The following NBPF26 variants were observed in gnomAD, a reference collection of about 807,000 sequenced individuals.
The protein encoded by NBPF26 is NBPF member 26, also known as NBPF family member NBPF26.
NBPF26 carries 79 observed loss-of-function variants against 119.6 expected under a neutral mutation model. The ratio of observed to expected loss-of-function variants is 0.66; its 90% CI spans 0.55 to 0.80. The LOEUF (loss-of-function observed/expected upper bound fraction) is 0.80. Ranked by LOEUF, NBPF26 falls within the 30% of genes least tolerant of loss-of-function variation. The probability of loss-of-function intolerance (pLI) is 0.00; values close to 1 mark genes in which losing one functional copy is unlikely to be tolerated. For missense variants in NBPF26, 800 were observed against 1,198.2 expected (o/e 0.67, Z 4.91); for synonymous variants, 299 against 457.7 (o/e 0.65, Z 4.43).
At position 120,805,758 on chromosome 1, in the gene NBPF26, G is replaced by C. The variant is rs1553269810; in HGVS notation, c.954G>C (p.Lys318Asn). 9.0e-5 allele frequency: 126 copies of C among 1,405,116 alleles called. 20 individuals are homozygous for C. Among genetic ancestry groups the C allele is most frequent in the East Asian group, 2.0e-4 (9 of 44,144 alleles). The allele number at this position is 1,405,116 out of a possible 1,614,324, so 87.0% of individuals were successfully genotyped here. A position where few individuals can be genotyped will look rare whatever the true frequency, so the allele number is the denominator to read the frequency against. ...CCGGCTTCCTGGCCAACCGACAGAAGAAATACAGTAAGATCTATAGGCTCA... is the reference window on the plus strand; with the variant it reads ...CCGGCTTCCTGGCCAACCGACAGAACAAATACAGTAAGATCTATAGGCTCA... Residue 318 changes from lysine (K) to asparagine (N), a missense_variant, in exon 5 of 30, where the codon AAG becomes AAC. Around this residue, in one of 13 missense-constraint regions of NBPF26, gnomAD observed 155 missense variants for 143.7 expected, o/e 1.08. Coordinates refer to ENST00000620612, the Ensembl canonical transcript of NBPF26.
At chr1:120,823,204 C>A (rs1191673081) in intron 16 of NBPF26, 105 bp from the exon 17 acceptor site, 10,713 of 667,276 alleles carry the variant, frequency 0.016, 681 homozygotes, top group African/African-American at 0.12. Context: ...CCTGTTCTCA[C>A]ACTGACAAGA....
chr1:120,813,198 CTG>C (rs1201346105), intron 10 of NBPF26, among the ~76,000 whole-genome samples: 1 of 122,038 alleles, frequency 8.2e-6, no homozygotes, highest in Non-Finnish European at 1.6e-5. Context: ...ATACCTACCT[CTG>C]TAAATTGCTG....
rs1652126746 is a variant in NBPF26 at position 120,821,937 on chromosome 1, C to A, written c.2424-167C>A. On this transcript the variant is annotated intron_variant, in intron 15 of 29. Coordinates refer to ENST00000620612, the Ensembl canonical transcript of NBPF26. ...TTTTGCTCTGTCCCCAGAGCAGTCACCCTCCACCCTGTATTTAGAAGGATA... is the reference window on the plus strand; with the variant it reads ...TTTTGCTCTGTCCCCAGAGCAGTCAACCTCCACCCTGTATTTAGAAGGATA... 2.4e-4 allele frequency among the ~76,000 whole-genome samples: 29 copies of A among 122,892 alleles called. 4 individuals are homozygous for A. The South Asian group carries it at 7.0e-3, about 30-fold the overall frequency. The allele number at this position is 122,892 out of a possible 152,430, so 80.6% of individuals were successfully genotyped here. A position where few individuals can be genotyped will look rare whatever the true frequency, so the allele number is the denominator to read the frequency against.
chr1:120,806,513 A>C (rs1651688129), intron 5 of NBPF26, among the ~76,000 whole-genome samples: 1 of 123,328 alleles, frequency 8.1e-6, no homozygotes, highest in Admixed American at 7.9e-5. Context: ...GAATCCTTTG[A>C]ACCCAGCAGG....
chr1:120,810,173 G>A (rs1220641310), intron 8 of NBPF26, among the ~76,000 whole-genome samples, 174 bp from the exon 9 acceptor site: 1 of 120,406 alleles, frequency 8.3e-6, no homozygotes, highest in African/African-American at 4.7e-5. Context: ...TCCCATGGCA[G>A]CCATGCTCTG....
In NBPF26 at chr1:120,804,235, C is replaced by A. The variant is rs1458235117; in HGVS notation, c.752-1321C>A. On this transcript the variant is annotated intron_variant, in intron 4 of 29. Coordinates refer to ENST00000620612, the Ensembl canonical transcript of NBPF26. ...TCTCTCAAGTTCCAGGCTCACAAAA[C>A]GTAGGTGGGGATGAAAGCTGAGAAA... Among the ~76,000 whole-genome samples, 79 of 79,122 alleles carry A rather than the reference C, an allele frequency of 1.0e-3. 9 individuals carry two copies. Among genetic ancestry groups the A allele is most frequent in the Non-Finnish European group, 1.5e-3 (70 of 45,618 alleles). The allele number at this position is 79,122 out of a possible 152,430, so 51.9% of individuals were successfully genotyped here. A position where few individuals can be genotyped will look rare whatever the true frequency, so the allele number is the denominator to read the frequency against.
intron 2 of NBPF26, among the ~76,000 whole-genome samples, chr1:120,776,103 G>C (rs1651304790): frequency 8.6e-6 from 1 of 116,388 alleles, no homozygotes; most frequent in East Asian, 2.1e-4. Flanking sequence ...TTGACCTTTT[G>C]CTTCTGCACT....
chr1:120,810,641 T>C (rs1239894198), intron 9 of NBPF26, 83 bp downstream of exon 9: 4 of 1,317,302 alleles, frequency 3.0e-6, no homozygotes, highest in Middle Eastern at 2.2e-4. Flanking sequence ...TATACACATA[T>C]TGTTATTGTT....
downstream of NBPF26, among the ~76,000 whole-genome samples, chr1:120,842,144 G>A (rs1467708384): frequency 1.8e-5 from 2 of 109,398 alleles, 1 homozygote; most frequent in African/African-American, 1.1e-4. Context: ...TACATTCAGT[G>A]TTATAATATT....
rs1202771344 is a variant in NBPF26 at position 120,775,698 on chromosome 1, A to AT, written c.156-9262dup. Among the ~76,000 whole-genome samples, 186 of 53,946 alleles carry AT rather than the reference A, an allele frequency of 3.4e-3. 3 individuals are homozygous for AT. Among genetic ancestry groups the AT allele is most frequent in the African/African-American group, 6.6e-3 (32 of 4,816 alleles). The allele number at this position is 53,946 out of a possible 152,430, so 35.4% of individuals were successfully genotyped here. A position where few individuals can be genotyped will look rare whatever the true frequency, so the allele number is the denominator to read the frequency against. ...CATGCTATTGAGACCACTTTGTAGG[A>AT]TTTTTTTTTTTTTTAGTCAGGGCTC... is the stretch of plus-strand genomic sequence containing the variant. On this transcript the variant is annotated intron_variant, in intron 2 of 29. Transcript: ENST00000620612.
intron 10 of NBPF26, among the ~76,000 whole-genome samples, chr1:120,813,054 C>T (rs1651911828): frequency 8.4e-6 from 1 of 119,084 alleles, no homozygotes; most frequent in Admixed American, 8.0e-5. Flanking sequence ...GAAGAAAGAT[C>T]GCACCCGAGA....
rs1247308407 is a variant in NBPF26, at chr1:120,728,030, G to C, written c.73+3780G>C. Among the ~76,000 whole-genome samples the C allele has an allele frequency of 2.4e-4, 28 of 118,818 alleles. 8 individuals are homozygous for C. Among genetic ancestry groups the C allele is most frequent in the Admixed American group, 2.1e-3 (26 of 12,578 alleles). The allele number at this position is 118,818 out of a possible 152,430, so 77.9% of individuals were successfully genotyped here. On this transcript the variant is annotated intron_variant, in intron 1 of 29. Transcript: ENST00000620612. The stretch of plus-strand genomic sequence containing the variant: ...TTGTTCATGGTCACAGAGCCAATTA[G>C]AGTTGAGACTAGAATTCCTTTCTTC...
rs1290849646 is a variant in NBPF26, at chr1:120,816,341, G to A, written c.2165+184G>A. On this transcript the variant is annotated intron_variant, in intron 13 of 29. Coordinates refer to ENST00000620612, the Ensembl canonical transcript of NBPF26. ...TCATGTTTCTCTATGTGTGCCGAGT[G>A]TCATGTCTGCACCGTACAGGGATAG... Among the ~76,000 whole-genome samples, 7 of 114,916 alleles carry A rather than the reference G, an allele frequency of 6.1e-5. 2 individuals are homozygous for A. The highest frequency in any genetic ancestry group is 1.2e-4 in the Non-Finnish European group (7 of 58,022). 75.4% of individuals were successfully genotyped at this position (114,916 alleles called of 152,430 possible).
rs1486880921 is a variant in NBPF26 at position 120,724,004 on chromosome 1, G to A, written c.-174G>A. 5.7e-6 allele frequency: 7 copies of A among 1,220,890 alleles called. 2 individuals carry two copies. The highest frequency in any genetic ancestry group is 3.2e-5 in the East Asian group (1 of 31,552). 75.6% of individuals were successfully genotyped at this position (1,220,890 alleles called of 1,614,324 possible). A position where few individuals can be genotyped will look rare whatever the true frequency, so the allele number is the denominator to read the frequency against. On this transcript the variant is annotated 5_prime_UTR_variant, in exon 1 of 30. Transcript: ENST00000620612. ...GAGGAGCGGCGGACTCGGGGCGCGG[G>A]GAGTCGAGGCATTTGCACCTGGGCT...
rs1553273445 is a variant in NBPF26, at chr1:120,840,404, G to A, written c.4158G>A (p.Leu1386=). The stretch of plus-strand genomic sequence containing the variant: ...AGCCTGAAGTCTTGCAGGACTCACT[G>A]GATATATGTTATTCGACTCCGTCAA... Residue 1386 remains leucine (L), a synonymous_variant, in exon 30 of 30, where the codon CTG becomes CTA. Transcript: ENST00000620612. 2.7e-5 allele frequency: 40 copies of A among 1,464,758 alleles called. 10 individuals are homozygous for A. Among genetic ancestry groups the A allele is most frequent in the Non-Finnish European group, 3.1e-5 (34 of 1,085,744 alleles). 90.7% of individuals were successfully genotyped at this position (1,464,758 alleles called of 1,614,324 possible).
chr1:120,735,299 A>C lies in NBPF26; in HGVS notation c.73+11049A>C, dbSNP rs1256916020. 2.4e-4 allele frequency among the ~76,000 whole-genome samples: 12 copies of C among 49,708 alleles called. 3 individuals are homozygous for C. Among genetic ancestry groups the C allele is most frequent in the African/African-American group, 4.9e-4 (2 of 4,102 alleles). The allele number at this position is 49,708 out of a possible 152,430, so 32.6% of individuals were successfully genotyped here. A position where few individuals can be genotyped will look rare whatever the true frequency, so the allele number is the denominator to read the frequency against. Reference sequence around the variant, plus strand: ...AGGCTGGTCTCGTACTCCTGACCTCAGTTGATCTGCCCGCCTCAGCCTCCC... The same window carrying C: ...AGGCTGGTCTCGTACTCCTGACCTCCGTTGATCTGCCCGCCTCAGCCTCCC... On this transcript the variant is annotated intron_variant, in intron 1 of 29. Coordinates refer to ENST00000620612, the Ensembl canonical transcript of NBPF26.
Position 120,737,769 on chromosome 1 carries a change from A to T in NBPF26, c.73+13519A>T, listed in dbSNP as rs1650921540. Among the ~76,000 whole-genome samples the T allele has an allele frequency of 3.2e-5, 4 of 123,872 alleles. 2 individuals carry two copies. Among genetic ancestry groups the T allele is most frequent in the African/African-American group, 1.5e-4 (4 of 25,816 alleles). The allele number at this position is 123,872 out of a possible 152,430, so 81.3% of individuals were successfully genotyped here. On this transcript the variant is annotated intron_variant, in intron 1 of 29. Transcript: ENST00000620612. ...TGGATTAGCCTGGACTGGTGGAGTT[A>T]CTTTCTCAGAAAAGGGCTTTATATT...
At chr1:120,840,836 A>G (rs1234547761), downstream of NBPF26, 2 of 533,648 alleles carry the variant, frequency 3.7e-6, no homozygotes, top group Admixed American at 7.3e-5. Flanking sequence ...GATCAGTCAG[A>G]CATTTTAATT....
Position 120,775,670 on chromosome 1 carries a change from G to T in NBPF26, c.156-9304G>T, listed in dbSNP as rs1251709966. ...ATGGCAGTCACTACAGAATCTAGCA[G>T]TTCATGCTATTGAGACCACTTTGTA... On this transcript the variant is annotated intron_variant, in intron 2 of 29. Coordinates refer to ENST00000620612, the Ensembl canonical transcript of NBPF26. 5.4e-5 allele frequency among the ~76,000 whole-genome samples: 3 copies of T among 55,972 alleles called. 1 individual carries two copies. Among genetic ancestry groups the T allele is most frequent in the Admixed American group, 3.5e-4 (2 of 5,764 alleles). The allele number at this position is 55,972 out of a possible 152,430, so 36.7% of individuals were successfully genotyped here.
Sources: gnomAD v4.1 joint callset for allele counts (sites outside exome capture counted in the v4.1 genomes callset) on GRCh38, gnomAD v4.1.1 for gene constraint, gnomAD v4.1.1 regional missense constraint, MANE v1.5 for transcripts, NCBI Gene and HGNC (gene_info 2026-07-23, HGNC 2026-07-21) for gene names.